The following ITGA2 variants were observed in gnomAD, a reference collection of about 807,000 sequenced individuals.
ITGA2 encodes integrin alpha-2.
ITGA2 carries 101 observed loss-of-function variants against 146.3 expected under a neutral mutation model. The observed-to-expected ratio is 0.69, with a 90% CI of 0.59 to 0.81. ITGA2 has a LOEUF of 0.81. ITGA2 is among the 40% of genes least tolerant of loss of function. The pLI is 0.00. For missense variants in ITGA2, 1,281 were observed against 1,402.7 expected (o/e 0.91, Z 1.39); for synonymous variants, 477 against 487.1 (o/e 0.98, Z 0.27).
In ITGA2 at chr5:53,070,249, A is replaced by G. The variant is rs759770145; in HGVS notation, c.2224A>G (p.Ile742Val). 1.9e-6 allele frequency: 3 copies of G among 1,611,656 alleles called. No individual in the cohort carries two copies. Among genetic ancestry groups the G allele is most frequent in the Non-Finnish European group, 2.5e-6 (3 of 1,178,488 alleles). ...NQAQSCPEHI[I>V]YIQEPSDVVN... The stretch of plus-strand genomic sequence containing the variant: ...AGCACAGAGTTGCCCCGAGCACATC[A>G]TTTATATACAGGTAAGGCCTCAGGA... Residue 742 changes from isoleucine (I) to valine (V), a missense_variant, in exon 17 of 30, where the codon ATT (isoleucine) becomes GTT (valine). Ile to Val is a conservative substitution (Grantham distance 29). This residue lies in a region of ITGA2 where 475 missense variants were observed against 530.5 expected (regional missense o/e 0.90). Transcript: ENST00000296585.
chr5:53,019,753 T>G (rs531739538), intron 1 of ITGA2, among the ~76,000 whole-genome samples: 9 of 152,274 alleles, frequency 5.9e-5, no homozygotes, highest in African/African-American at 2.2e-4. Flanking sequence ...CTTGAACTCC[T>G]TACCTCAGGT....
chr5:53,002,080 C>T (rs940114654), intron 1 of ITGA2, among the ~76,000 whole-genome samples: 5 of 151,948 alleles, frequency 3.3e-5, no homozygotes, highest in Non-Finnish European at 7.4e-5. Flanking sequence ...TCCAAATTCT[C>T]CTCATACTAT....
rs780201574 is a variant in ITGA2, at chr5:53,078,857, T to G, written c.2911T>G (p.Phe971Val). ...VHSFEDVGPK[F>V]IFSLKVTTGS... ...CAGTTTTGAAGATGTTGGTCCAAAA[T>G]TCATCTTCTCCCTGAAGGTTGGTAA... The change falls in exon 24 of 30, where the codon TTC becomes GTC. Residue 971 changes from phenylalanine (F) to valine (V), a missense_variant. Around this residue, in one of 3 missense-constraint regions of ITGA2, gnomAD observed 475 missense variants for 530.5 expected, o/e 0.90. Transcript: ENST00000296585. 3 of 1,602,366 alleles carry G rather than the reference T, an allele frequency of 1.9e-6. No individual in the cohort carries two copies. Among genetic ancestry groups the G allele is most frequent in the African/African-American group, 1.3e-5 (1 of 74,600 alleles).
At chr5:53,053,700 G>T (rs140664692) in intron 7 of ITGA2, among the ~76,000 whole-genome samples, 2 of 152,136 alleles carry the variant, frequency 1.3e-5, no homozygotes, top group East Asian at 3.9e-4. Context: ...GTTTTAGTCT[G>T]CCCAGTGCTA....
Position 53,015,285 on chromosome 5 carries a change from C to T in ITGA2, c.65-11463C>T, listed in dbSNP as rs558673132. On this transcript the variant is annotated intron_variant, in intron 1 of 29. Transcript: ENST00000296585. Reference sequence around the variant, plus strand: ...GCTTTTGCTGTGTCCCAGAGATTCTCATGTTGTATCTTTGCTTTCATTAGT... The same window carrying T: ...GCTTTTGCTGTGTCCCAGAGATTCTTATGTTGTATCTTTGCTTTCATTAGT... 2.5e-3 allele frequency among the ~76,000 whole-genome samples: 381 copies of T among 152,106 alleles called. 5 individuals carry two copies. The highest frequency in any genetic ancestry group is 8.9e-3 in the African/African-American group (370 of 41,540).
Position 53,078,843 on chromosome 5 carries a change from A to G in ITGA2, c.2897A>G (p.Asp966Gly). 6.2e-7 allele frequency: 1 copy of G among 1,610,530 alleles called. No homozygotes were observed. The part of the protein sequence containing the change: ...NVPSIVHSFE[D>G]VGPKFIFSLK... ...CCTTCAATCGTGCACAGTTTTGAAG[A>G]TGTTGGTCCAAAATTCATCTTCTCC... Residue 966 changes from aspartate (D) to glycine (G), a missense_variant, in exon 24 of 30, where the codon GAT (aspartate) becomes GGT (glycine). By Grantham distance (94) the Asp-to-Gly change is moderately conservative. This residue lies in a region of ITGA2 where 475 missense variants were observed against 530.5 expected (regional missense o/e 0.90). Coordinates refer to ENST00000296585, the MANE Select transcript of ITGA2 (RefSeq NM_002203.4).
At chr5:53,055,960 A>C in intron 8 of ITGA2, 24 bp from the exon 9 acceptor site, 1 of 1,603,084 alleles carries the variant, frequency 6.2e-7, no homozygotes, top group Non-Finnish European at 8.5e-7. Flanking sequence ...TAATGACTGC[A>C]CATTCTCTTC....
intron 1 of ITGA2, among the ~76,000 whole-genome samples, chr5:53,024,534 C>T (rs982683061): frequency 2.0e-5 from 3 of 152,044 alleles, no homozygotes; most frequent in African/African-American, 4.8e-5. Flanking sequence ...TTTTAGTAGG[C>T]ACAGACAAAA....
At position 53,064,902 on chromosome 5, in the gene ITGA2, C is replaced by T; in HGVS notation, c.1603-10C>T. On this transcript the variant is annotated splice_polypyrimidine_tract_variant and intron_variant, in intron 13 of 29. Transcript: ENST00000296585. ...TTGCTTTAATCATCCTTTTGTTTCCCCTTTGCAAGGGCATTTTGGGTCAGC... is the reference window on the plus strand; with the variant it reads ...TTGCTTTAATCATCCTTTTGTTTCCTCTTTGCAAGGGCATTTTGGGTCAGC... The T allele has an allele frequency of 6.2e-7, 1 of 1,611,872 alleles. No homozygotes were observed. The highest frequency in any genetic ancestry group is 8.5e-7 in the Non-Finnish European group (1 of 1,178,516).
chr5:53,080,672 C>A, intron 25 of ITGA2, 51 bp downstream of exon 25: 1 of 1,276,002 alleles, frequency 7.8e-7, no homozygotes, highest in Non-Finnish European at 1.1e-6. Flanking sequence ...ATGTAAATAA[C>A]CCATGAGATT....
chr5:52,992,247 A>T (rs1322581677), intron 1 of ITGA2, among the ~76,000 whole-genome samples: 1 of 151,848 alleles, frequency 6.6e-6, no homozygotes, highest in Non-Finnish European at 1.5e-5. Context: ...CTCTCCCGTC[A>T]TCTCCTTCAC....
chr5:53,057,265 C>A (rs1464997307), intron 9 of ITGA2, among the ~76,000 whole-genome samples: 6 of 151,902 alleles, frequency 3.9e-5, no homozygotes, highest in African/African-American at 1.4e-4. Context: ...CTCTACTCAT[C>A]CTGTGTAAAT....
intron 3 of ITGA2, among the ~76,000 whole-genome samples, chr5:53,044,354 T>A (rs1743965179): frequency 1.7e-5 from 2 of 115,668 alleles, no homozygotes; most frequent in African/African-American, 6.8e-5. Flanking sequence ...AGGGAAGGAA[T>A]CCAATTAAGA....
chr5:53,062,996 A>G, intron 13 of ITGA2, 67 bp downstream of exon 13: 1 of 1,302,524 alleles, frequency 7.7e-7, no homozygotes, highest in Non-Finnish European at 1.1e-6. Context: ...TTGCATTTGG[A>G]AAGAAAAATT....
Position 53,065,120 on chromosome 5 carries a change from T to TAACA in ITGA2, c.1806+5_1806+6insAACA. The TAACA allele has an allele frequency of 1.2e-6, 2 of 1,611,778 alleles. No individual in the cohort carries two copies. Among genetic ancestry groups the TAACA allele is most frequent in the Non-Finnish European group, 1.7e-6 (2 of 1,178,370 alleles). ...ATCCGCACAAAGTATTCCCAGGTAA[T>TAACA]CCATGAGCTGTTATGGTGATGTATG... On this transcript the variant is annotated splice_donor_region_variant and intron_variant, in intron 14 of 29. Coordinates refer to ENST00000296585, the MANE Select transcript of ITGA2 (RefSeq NM_002203.4).
chr5:53,067,363 G>A, intron 16 of ITGA2, 106 bp downstream of exon 16: 4 of 1,225,442 alleles, frequency 3.3e-6, no homozygotes, highest in Non-Finnish European at 2.4e-6. Context: ...AAGGGTTTTA[G>A]TTATAGACAC....
At chr5:52,991,626 T>G (rs1740959555) in intron 1 of ITGA2, among the ~76,000 whole-genome samples, 1 of 152,152 alleles carries the variant, frequency 6.6e-6, no homozygotes, top group South Asian at 2.1e-4. Flanking sequence ...TTAATATGTA[T>G]AAAACACATG....
intron 26 of ITGA2, among the ~76,000 whole-genome samples, chr5:53,082,787 T>C (rs1745987666): frequency 6.6e-6 from 1 of 152,212 alleles, no homozygotes; most frequent in Admixed American, 6.5e-5. Context: ...TATAGTATCA[T>C]ACAGTGTATA....
intron 6 of ITGA2, among the ~76,000 whole-genome samples, chr5:53,049,906 T>C (rs543544082): frequency 2.4e-4 from 37 of 152,360 alleles, no homozygotes; most frequent in African/African-American, 7.9e-4. Flanking sequence ...AATTTGCTTC[T>C]CTGCTTTCCT....
Sources: allele counts gnomAD v4.1 joint callset (sites outside exome capture counted in the v4.1 genomes callset), GRCh38; gene constraint gnomAD v4.1.1; regional missense constraint gnomAD v4.1.1; transcripts MANE v1.5; gene names NCBI Gene and HGNC (gene_info 2026-07-23, HGNC 2026-07-21).